PATJ: variants seen among roughly 807,000 people sequenced by gnomAD.
PATJ encodes the protein PATJ crumbs cell polarity complex component, also known as inaD-like protein.
A neutral mutation model predicts 224.9 loss-of-function variants in PATJ; 190 were observed. That is an observed-to-expected ratio of 0.84 (90% CI 0.75 to 0.95). The LOEUF (loss-of-function observed/expected upper bound fraction) is 0.95. PATJ is among the 40% of genes least tolerant of loss of function. The pLI, the probability that PATJ is intolerant of heterozygous loss-of-function variation, is 0.00. For missense variants in PATJ, 2,121 were observed against 2,270.3 expected, an observed-to-expected ratio of 0.93 and a Z score of 1.34; for synonymous variants, 769 against 820.3, an observed-to-expected ratio of 0.94 and a Z score of 1.07.
chr1:62,108,967 C>T (rs536746027), intron 34 of PATJ, among the ~76,000 whole-genome samples: 5 of 152,264 alleles, frequency 3.3e-5, no homozygotes, highest in Non-Finnish European at 7.3e-5. Context: ...GAAGTTCATG[C>T]CTTGCCACCA....
intron 27 of PATJ, among the ~76,000 whole-genome samples, chr1:61,981,656 G>T (rs1356068116): frequency 6.6e-6 from 1 of 151,504 alleles, no homozygotes; most frequent in Non-Finnish European, 1.5e-5. Context: ...ACTCAGGAAA[G>T]CCTATTTGTT....
chr1:61,940,173 T>G (rs1677588920), intron 27 of PATJ, among the ~76,000 whole-genome samples: 1 of 152,128 alleles, frequency 6.6e-6, no homozygotes, highest in Non-Finnish European at 1.5e-5. Flanking sequence ...GCCTCTAAAT[T>G]TTTGTAGGCA....
At chr1:62,102,763 G>A (rs1662339570) in intron 33 of PATJ, among the ~76,000 whole-genome samples, 1 of 147,528 alleles carries the variant, frequency 6.8e-6, no homozygotes, top group South Asian at 2.2e-4. Flanking sequence ...GGGAAGCTGA[G>A]ATGGGAGGAT....
At chr1:62,015,865 C>T (rs780363497) in intron 28 of PATJ, among the ~76,000 whole-genome samples, 16 of 152,112 alleles carry the variant, frequency 1.1e-4, no homozygotes, top group African/African-American at 3.1e-4. Flanking sequence ...GATGGGGTTT[C>T]GCCATGTTGA....
intron 43 of PATJ, among the ~76,000 whole-genome samples, chr1:62,158,224 T>G (rs1669443659): frequency 6.7e-6 from 1 of 149,490 alleles, no homozygotes; most frequent in East Asian, 1.9e-4. Context: ...CTTTTTTACC[T>G]TTTTCCCTGT....
chr1:62,088,349 C>T (rs961741978), intron 33 of PATJ, among the ~76,000 whole-genome samples: 2 of 152,164 alleles, frequency 1.3e-5, no homozygotes, highest in African/African-American at 2.4e-5. Flanking sequence ...TACATATGCA[C>T]TCCAGCATCT....
At chr1:61,837,601 C>T (rs1446778914) in intron 17 of PATJ, among the ~76,000 whole-genome samples, 1 of 151,916 alleles carries the variant, frequency 6.6e-6, no homozygotes, top group Non-Finnish European at 1.5e-5. Flanking sequence ...CCAGCCTGGC[C>T]AACATGGTGA....
chr1:61,959,401 A>G (rs1680898353), intron 27 of PATJ, among the ~76,000 whole-genome samples: 1 of 143,940 alleles, frequency 6.9e-6, no homozygotes, highest in South Asian at 2.2e-4. Context: ...CCCACTGCCT[A>G]TATATATATT....
chr1:61,985,774 G>C (rs951519977), intron 27 of PATJ, among the ~76,000 whole-genome samples: 1 of 151,974 alleles, frequency 6.6e-6, no homozygotes, highest in African/African-American at 2.4e-5. Flanking sequence ...AGAGGACTGT[G>C]TGGCTTTTCT....
chr1:61,862,200 G>C (rs1383242062), intron 19 of PATJ, among the ~76,000 whole-genome samples: 2 of 151,296 alleles, frequency 1.3e-5, no homozygotes, highest in African/African-American at 4.9e-5. Flanking sequence ...AGTTGTTGTT[G>C]TTATTTTGTT....
At chr1:62,000,393 T>C (rs1569876516) in intron 28 of PATJ, among the ~76,000 whole-genome samples, 1 of 126,544 alleles carries the variant, frequency 7.9e-6, no homozygotes, top group East Asian at 2.5e-4. Context: ...TTCCCCTTCC[T>C]GTGTCCATGT....
chr1:62,077,686 C>CAAAAAAAA (rs11439364), intron 31 of PATJ, among the ~76,000 whole-genome samples: 1 of 89,150 alleles, frequency 1.1e-5, no homozygotes, highest in African/African-American at 4.1e-5. Flanking sequence ...AGACCCTGTC[C>CAAAAAAAA]AAAAAAAAAA....
intron 27 of PATJ, among the ~76,000 whole-genome samples, chr1:61,967,102 G>A (rs1682282905): frequency 6.6e-6 from 1 of 152,158 alleles, no homozygotes; most frequent in Admixed American, 6.5e-5. Context: ...TCCTATTTAA[G>A]ATGGAGTTGC....
At chr1:61,814,971 G>A (rs1343342210) in intron 14 of PATJ, among the ~76,000 whole-genome samples, 1 of 152,226 alleles carries the variant, frequency 6.6e-6, no homozygotes, top group Admixed American at 6.5e-5. Flanking sequence ...GAAGCAAAAT[G>A]GAAAGGGTCC....
At chr1:61,912,517 G>A (rs1232096848) in intron 25 of PATJ, among the ~76,000 whole-genome samples, 2 of 151,624 alleles carry the variant, frequency 1.3e-5, no homozygotes, top group East Asian at 3.9e-4. Flanking sequence ...GCTTGAACCT[G>A]GGAGACACAG....
chr1:61,965,801 T>C (rs1192595710), intron 27 of PATJ, among the ~76,000 whole-genome samples: 1 of 152,194 alleles, frequency 6.6e-6, no homozygotes, highest in Non-Finnish European at 1.5e-5. Flanking sequence ...GTAGGAGAGA[T>C]TTGTACTAGG....
intron 5 of PATJ, among the ~76,000 whole-genome samples, chr1:61,769,878 A>C (rs186694902): frequency 6.6e-6 from 1 of 152,206 alleles, no homozygotes; most frequent in East Asian, 1.9e-4. Context: ...TTTGGTGGTC[A>C]TGTTACTCTA....
At chr1:61,832,054 C>G (rs998782914) in intron 16 of PATJ, among the ~76,000 whole-genome samples, 18 of 152,154 alleles carry the variant, frequency 1.2e-4, no homozygotes, top group Admixed American at 1.3e-4. Context: ...GGCCATTATC[C>G]TAAGCAAATT....
intron 25 of PATJ, among the ~76,000 whole-genome samples, chr1:61,910,216 C>T (rs1672418854): frequency 6.6e-6 from 1 of 152,116 alleles, no homozygotes; most frequent in African/African-American, 2.4e-5. Flanking sequence ...ATTTGTGTGG[C>T]CAGCTGTGAA....
Sources: gnomAD v4.1 joint callset for allele counts (sites outside exome capture counted in the v4.1 genomes callset) on GRCh38, gnomAD v4.1.1 for gene constraint, MANE v1.5 for transcripts, NCBI Gene and HGNC (gene_info 2026-07-23, HGNC 2026-07-21) for gene names.